PTGER4: variants seen among roughly 807,000 people sequenced by gnomAD.
PTGER4 encodes prostaglandin E2 receptor EP4 subtype.
PTGER4 carries 11 observed loss-of-function variants against 33.2 expected under a neutral mutation model. The ratio of observed to expected loss-of-function variants is 0.33; its 90% CI spans 0.21 to 0.55. The LOEUF is 0.55. Ranked by LOEUF, PTGER4 falls within the 20% of genes least tolerant of loss-of-function variation. The pLI is 0.92. For missense variants in PTGER4, 481 were observed against 650.2 expected (o/e 0.74, Z 2.83); for synonymous variants, 275 against 281.5 (o/e 0.98, Z 0.23).
At chr5:40,708,184 A>G in the PTGER4 span, among the ~76,000 whole-genome samples, 7 of 152,240 alleles carry the variant, frequency 4.6e-5, no homozygotes, top group African/African-American at 1.7e-4. Flanking sequence ...CCAAGATCAG[A>G]GCAGAACTAA....
the PTGER4 span, among the ~76,000 whole-genome samples, chr5:40,729,848 G>A: frequency 6.6e-6 from 1 of 152,104 alleles, no homozygotes; most frequent in African/African-American, 2.4e-5. Flanking sequence ...ACAGGCATGT[G>A]CCACCACGCC....
downstream of PTGER4, among the ~76,000 whole-genome samples, chr5:40,695,758 T>G (rs1001437703): frequency 3.9e-5 from 6 of 152,032 alleles, no homozygotes; most frequent in Non-Finnish European, 8.8e-5. Context: ...AAGAATGAAT[T>G]CATGTCCATA....
At chr5:40,710,937 G>A in the PTGER4 span, among the ~76,000 whole-genome samples, 5 of 152,084 alleles carry the variant, frequency 3.3e-5, no homozygotes, top group Non-Finnish European at 7.4e-5. Flanking sequence ...TGTGGTGGGG[G>A]GAAAGGGGAG....
At chr5:40,716,426 A>G in the PTGER4 span, 3 of 1,613,796 alleles carry the variant, frequency 1.9e-6, no homozygotes, top group South Asian at 2.2e-5. Context: ...GTTCTTGCCC[A>G]AGAGAGGTCT....
chr5:40,732,038 T>C, the PTGER4 span, among the ~76,000 whole-genome samples: 1 of 152,236 alleles, frequency 6.6e-6, no homozygotes, highest in Non-Finnish European at 1.5e-5. Context: ...TTAAAAATTA[T>C]TTTGAGAGAC....
the PTGER4 span, among the ~76,000 whole-genome samples, chr5:40,703,462 C>T: frequency 6.6e-6 from 1 of 152,112 alleles, no homozygotes; most frequent in Non-Finnish European, 1.5e-5. Flanking sequence ...ATTCCCTGAA[C>T]AGACCAATAA....
Position 40,692,255 on chromosome 5 carries a change from A to G in PTGER4, c.1344A>G (p.Ser448=), listed in dbSNP as rs1741492801. 1.2e-6 allele frequency: 2 copies of G among 1,614,250 alleles called. No individual in the cohort carries two copies. The highest frequency in any genetic ancestry group is 2.7e-5 in the African/African-American group (2 of 75,082). Residue 448 remains serine, a synonymous_variant, in exon 3 of 3, where the codon TCA becomes TCG. Transcript: ENST00000302472. The stretch of plus-strand genomic sequence containing the variant: ...CAGACTCTTCACAGGGTCAGGACTC[A>G]GAGAGTGTCTTACTGGTGGATGAGG... ...ETSDSSQGQD[S]ESVLLVDEAG...
At chr5:40,727,347 C>T in the PTGER4 span, among the ~76,000 whole-genome samples, 1 of 152,134 alleles carries the variant, frequency 6.6e-6, no homozygotes, top group African/African-American at 2.4e-5. Context: ...TTTGCAAACA[C>T]TTGTTAGGAA....
chr5:40,707,187 C>T, the PTGER4 span, among the ~76,000 whole-genome samples: 9 of 152,260 alleles, frequency 5.9e-5, no homozygotes, highest in African/African-American at 1.9e-4. Context: ...CAATATTAAC[C>T]TTAAATGTAA....
chr5:40,696,791 G>A, downstream of PTGER4: 1 of 834,270 alleles, frequency 1.2e-6, no homozygotes, highest in Non-Finnish European at 1.4e-6. Context: ...TTGAGAAGGG[G>A]TGAAACAGGA....
the PTGER4 span, among the ~76,000 whole-genome samples, chr5:40,711,965 G>A: frequency 6.6e-6 from 1 of 152,078 alleles, no homozygotes; most frequent in African/African-American, 2.4e-5. Flanking sequence ...TTGGGTGATG[G>A]ACACACACTA....
chr5:40,722,198 C>CT, the PTGER4 span, among the ~76,000 whole-genome samples: 1 of 151,616 alleles, frequency 6.6e-6, no homozygotes, highest in Non-Finnish European at 1.5e-5. Flanking sequence ...GAGGGAGACT[C>CT]TGTCTCAACT....
At chr5:40,706,698 A>T in the PTGER4 span, among the ~76,000 whole-genome samples, 1 of 151,948 alleles carries the variant, frequency 6.6e-6, no homozygotes, top group Non-Finnish European at 1.5e-5. Context: ...GAAAAAAAAA[A>T]TTGTAAATTA....
the PTGER4 span, among the ~76,000 whole-genome samples, chr5:40,721,449 C>A: frequency 6.6e-6 from 1 of 152,104 alleles, no homozygotes; most frequent in Non-Finnish European, 1.5e-5. Flanking sequence ...ACAAATAAAT[C>A]CACACCCAAC....
the PTGER4 span, among the ~76,000 whole-genome samples, chr5:40,717,257 G>A: frequency 6.8e-6 from 1 of 146,622 alleles, no homozygotes; most frequent in African/African-American, 2.5e-5. Context: ...AGATTTACAT[G>A]TATTAACTCA....
the PTGER4 span, among the ~76,000 whole-genome samples, chr5:40,735,586 G>A: frequency 6.6e-6 from 1 of 152,202 alleles, no homozygotes; most frequent in Non-Finnish European, 1.5e-5. Flanking sequence ...AGTAAGCCAT[G>A]AAGAAAGAAG....
Position 40,681,819 on chromosome 5 carries a change from G to C in PTGER4, c.826G>C (p.Ala276Pro). The change falls in exon 2 of 3, where the codon GCC becomes CCC. Residue 276 changes from alanine (A) to proline (P), a missense_variant. Around this residue, in one of 7 missense-constraint regions of PTGER4, gnomAD observed 174 missense variants for 210.5 expected, o/e 0.83. Transcript: ENST00000302472. This position sits in a 1 kb window ranked among gnomAD's most constrained non-coding sequence, Gnocchi z 9.8. ...GATCCAGATGGTCATCTTACTCATT[G>C]CCACCTCCCTGGTGGTGCTCATCTG... ...AEIQMVILLI[A>P]TSLVVLICSI... The C allele has an allele frequency of 6.3e-7, 1 of 1,580,282 alleles. No individual in the cohort carries two copies. The highest frequency in any genetic ancestry group is 8.6e-7 in the Non-Finnish European group (1 of 1,167,096).
the PTGER4 span, among the ~76,000 whole-genome samples, chr5:40,699,029 C>T: frequency 2.0e-5 from 3 of 151,784 alleles, no homozygotes; most frequent in East Asian, 1.9e-4. Flanking sequence ...GTATTCTTGC[C>T]GAAAAATTGA....
downstream of PTGER4, among the ~76,000 whole-genome samples, chr5:40,698,121 C>CAAAAAAAAAAAAAAAAAA (rs1339691632): frequency 3.3e-5 from 1 of 30,470 alleles, no homozygotes; most frequent in Non-Finnish European, 7.6e-5. Context: ...AAAAAAAAAC[C>CAAAAAAAAAAAAAAAAAA]ATGAAAAATT....
Sources: gnomAD v4.1 joint callset for allele counts (sites outside exome capture counted in the v4.1 genomes callset) on GRCh38, gnomAD v4.1.1 for gene constraint, gnomAD v4.1.1 regional missense constraint, Gnocchi (gnomAD v3.1) non-coding constraint, MANE v1.5 for transcripts, NCBI Gene and HGNC (gene_info 2026-07-23, HGNC 2026-07-21) for gene names.